The following DRC8 variants were observed in gnomAD, a reference collection of about 807,000 sequenced individuals.
DRC8 encodes dynein regulatory complex protein 8.
the DRC8 span, chr1:244,969,854 G>A: frequency 4.8e-6 from 2 of 416,000 alleles, no homozygotes; most frequent in Non-Finnish European, 8.5e-6. Context: ...TGCAGCAGCC[G>A]GGCCGCTTCC....
the DRC8 span, among the ~76,000 whole-genome samples, chr1:245,094,610 A>G: frequency 1.0e-3 from 153 of 152,320 alleles, 1 homozygote; most frequent in Non-Finnish European, 9.7e-4. Flanking sequence ...AATATAAATT[A>G]AAACAAATCC....
chr1:245,083,814 TGCTATTTTG>T, the DRC8 span: 3 of 1,380,280 alleles, frequency 2.2e-6, no homozygotes, highest in Non-Finnish European at 2.9e-6. Flanking sequence ...TTACTGTTCC[TGCTATTTTG>T]GCTTGGGGAT....
At chr1:245,002,474 A>G in the DRC8 span, among the ~76,000 whole-genome samples, 1 of 152,164 alleles carries the variant, frequency 6.6e-6, no homozygotes, top group Non-Finnish European at 1.5e-5. Flanking sequence ...ATTCTGTTTC[A>G]TTATAGGGAA....
the DRC8 span, among the ~76,000 whole-genome samples, chr1:244,989,646 C>G: frequency 6.6e-6 from 1 of 152,146 alleles, no homozygotes; most frequent in Non-Finnish European, 1.5e-5. Context: ...ACTGTGGTAA[C>G]TCTGTCTCCC....
the DRC8 span, among the ~76,000 whole-genome samples, chr1:244,973,723 G>C: frequency 7.2e-5 from 11 of 152,086 alleles, no homozygotes; most frequent in Non-Finnish European, 1.6e-4. Flanking sequence ...GTTTTAAATA[G>C]TTCATCCTTA....
At chr1:245,055,071 G>GGGGAT in the DRC8 span, among the ~76,000 whole-genome samples, 3 of 152,284 alleles carry the variant, frequency 2.0e-5, no homozygotes, top group Admixed American at 2.0e-4. Context: ...GAACAGAACA[G>GGGGAT]GGGATATCTA....
At chr1:245,033,153 C>T in the DRC8 span, among the ~76,000 whole-genome samples, 1 of 152,184 alleles carries the variant, frequency 6.6e-6, no homozygotes, top group African/African-American at 2.4e-5. Flanking sequence ...AGAGCTGGCA[C>T]ACGGCGGGCT....
At chr1:245,001,033 A>C in the DRC8 span, among the ~76,000 whole-genome samples, 1 of 152,124 alleles carries the variant, frequency 6.6e-6, no homozygotes. Context: ...ACAAAAGTTG[A>C]GAATGGTGAG....
chr1:245,111,375 G>A, the DRC8 span, among the ~76,000 whole-genome samples: 6 of 152,210 alleles, frequency 3.9e-5, no homozygotes, highest in Non-Finnish European at 8.8e-5. Flanking sequence ...TAAAAGGAAA[G>A]TATGGCTCCT....
the DRC8 span, among the ~76,000 whole-genome samples, chr1:245,004,958 T>C: frequency 6.6e-6 from 1 of 152,362 alleles, no homozygotes; most frequent in Non-Finnish European, 1.5e-5. Flanking sequence ...CAAATCACTA[T>C]TCCTAGTTTT....
chr1:245,084,888 C>T, the DRC8 span, among the ~76,000 whole-genome samples: 2 of 152,204 alleles, frequency 1.3e-5, no homozygotes, highest in African/African-American at 2.4e-5. Context: ...CAGCTGCCAC[C>T]CAAGAACTCT....
At chr1:245,030,079 A>C in the DRC8 span, among the ~76,000 whole-genome samples, 1 of 152,224 alleles carries the variant, frequency 6.6e-6, no homozygotes, top group Non-Finnish European at 1.5e-5. Flanking sequence ...TCTCCTTAAC[A>C]GAGGAAATCT....
chr1:245,016,100 G>T, the DRC8 span, among the ~76,000 whole-genome samples: 1 of 149,632 alleles, frequency 6.7e-6, no homozygotes, highest in African/African-American at 2.5e-5. Context: ...TCCTGCCTCA[G>T]CCTCCCAACT....
At chr1:244,970,176 CGGGGG>C in the DRC8 span, 1 of 706,676 alleles carries the variant, frequency 1.4e-6, no homozygotes, top group Non-Finnish European at 2.6e-6. Flanking sequence ...GGGACAAGGC[CGGGGG>C]CCGGGTGGCA....
the DRC8 span, among the ~76,000 whole-genome samples, chr1:244,981,202 C>T: frequency 1.3e-5 from 2 of 151,308 alleles, no homozygotes; most frequent in African/African-American, 2.4e-5. Flanking sequence ...ACCACCCCAC[C>T]GCCAAAAAAA....
the DRC8 span, among the ~76,000 whole-genome samples, chr1:245,075,301 C>G: frequency 6.6e-6 from 1 of 152,184 alleles, no homozygotes; most frequent in Non-Finnish European, 1.5e-5. Flanking sequence ...CCTGTATTTC[C>G]TCAAATCCAA....
the DRC8 span, among the ~76,000 whole-genome samples, chr1:245,110,970 A>G: frequency 3.9e-5 from 6 of 152,270 alleles, no homozygotes; most frequent in African/African-American, 1.4e-4. Flanking sequence ...TATGTCAGCT[A>G]TGGTATACCA....
the DRC8 span, among the ~76,000 whole-genome samples, chr1:244,981,829 C>T: frequency 2.6e-5 from 4 of 152,278 alleles, no homozygotes; most frequent in African/African-American, 9.6e-5. Context: ...AAGGGGAAAG[C>T]AACGCTTTTG....
the DRC8 span, among the ~76,000 whole-genome samples, chr1:244,972,245 A>G: frequency 6.6e-6 from 1 of 152,264 alleles, no homozygotes; most frequent in East Asian, 1.9e-4. Context: ...CATATATTCA[A>G]TGCCATTATG....
Sources: gnomAD v4.1 joint callset for allele counts (sites outside exome capture counted in the v4.1 genomes callset) on GRCh38, gnomAD v4.1.1 for gene constraint, MANE v1.5 for transcripts, NCBI Gene and HGNC (gene_info 2026-07-23, HGNC 2026-07-21) for gene names.